The following ZMYM2 variants were observed in gnomAD, a reference collection of about 807,000 sequenced individuals.
ZMYM2 encodes zinc finger MYM-type containing 2.
In ZMYM2, 56 loss-of-function variants were observed where a neutral mutation model predicts 162.8. The ratio of observed to expected loss-of-function variants is 0.34; its 90% CI spans 0.28 to 0.43. The LOEUF (loss-of-function observed/expected upper bound fraction) is 0.43, where lower values mean the gene tolerates loss of function less well. ZMYM2 is among the 20% of genes least tolerant of loss of function. The probability of loss-of-function intolerance (pLI) is 1.00; values close to 1 mark genes in which losing one functional copy is unlikely to be tolerated. For synonymous variants in ZMYM2, 510 were observed against 541.6 expected, an observed-to-expected ratio of 0.94 and a Z score of 0.81; for missense variants, 1,275 against 1,621.8, an observed-to-expected ratio of 0.79 and a Z score of 3.67.
chr13:19,941,031 A>G, the ZMYM2 span, among the ~76,000 whole-genome samples: 1 of 152,264 alleles, frequency 6.6e-6, no homozygotes, highest in South Asian at 2.1e-4. Context: ...AAAACTTGGC[A>G]GGGTGTGGTG....
intron 19 of ZMYM2, among the ~76,000 whole-genome samples, chr13:20,064,846 T>C (rs1956552255): frequency 6.6e-6 from 1 of 151,984 alleles, no homozygotes; most frequent in Non-Finnish European, 1.5e-5. Context: ...ATCTCAGATT[T>C]AGTTGATACC....
At chr13:19,890,522 A>AAAAAAAAAAAG in the ZMYM2 span, among the ~76,000 whole-genome samples, 111 of 148,310 alleles carry the variant, frequency 7.5e-4, 1 homozygote, top group South Asian at 7.3e-3. Flanking sequence ...AAAAAAAAAA[A>AAAAAAAAAAAG]GTTGGGAAAA....
rs528927994 is a variant in ZMYM2 at position 20,007,954 on chromosome 13, C to T, written c.1512+1368C>T. On this transcript the variant is annotated intron_variant, in intron 6 of 24. Transcript: ENST00000610343. ...ATTAAGGTGTGAGTTATATAGTAGT[C>T]CTTTCTCACGCAAAGTTTTGTTTTT... 3.3e-5 allele frequency among the ~76,000 whole-genome samples: 5 copies of T among 152,076 alleles called. No homozygotes were observed. The East Asian group carries it at 9.7e-4, about 30-fold the overall frequency.
intron 12 of ZMYM2, among the ~76,000 whole-genome samples, chr13:20,049,874 C>T (rs1440342252): frequency 2.0e-5 from 3 of 151,968 alleles, no homozygotes; most frequent in African/African-American, 7.2e-5. Context: ...AAGTATTAAG[C>T]TTCCATTTCC....
chr13:19,888,912 A>T, the ZMYM2 span, among the ~76,000 whole-genome samples: 1 of 151,860 alleles, frequency 6.6e-6, no homozygotes, highest in South Asian at 2.1e-4. Flanking sequence ...ATTTATTTTG[A>T]CTTTAAATTA....
At chr13:20,016,858 T>G (rs1951675031) in intron 6 of ZMYM2, among the ~76,000 whole-genome samples, 1 of 152,260 alleles carries the variant, frequency 6.6e-6, no homozygotes, top group Non-Finnish European at 1.5e-5. Flanking sequence ...TTTATTAGAT[T>G]TGTAGATTTG....
the ZMYM2 span, among the ~76,000 whole-genome samples, chr13:19,939,127 G>T: frequency 2.0e-5 from 3 of 149,838 alleles, no homozygotes; most frequent in South Asian, 6.3e-4. Context: ...GGGTTCAAGT[G>T]ATTCTCGTGC....
At chr13:20,053,840 A>G (rs1191129603) in intron 14 of ZMYM2, among the ~76,000 whole-genome samples, 2 of 152,250 alleles carry the variant, frequency 1.3e-5, no homozygotes, top group African/African-American at 2.4e-5. Flanking sequence ...TGGAAATAAC[A>G]TTTTAAAATC....
upstream of ZMYM2, among the ~76,000 whole-genome samples, chr13:19,958,097 C>T (rs964225839): frequency 1.3e-5 from 2 of 152,230 alleles, no homozygotes; most frequent in Non-Finnish European, 2.9e-5. Context: ...GGACTATTCC[C>T]CACGGGGCGC....
At chr13:20,014,987 C>G (rs774299285) in intron 6 of ZMYM2, among the ~76,000 whole-genome samples, 20 of 152,048 alleles carry the variant, frequency 1.3e-4, no homozygotes, top group Non-Finnish European at 2.9e-4. Context: ...TCTTGAACTC[C>G]TGACCTCAGG....
chr13:20,070,278 C>T (rs561185047), intron 21 of ZMYM2: 13 of 198,038 alleles, frequency 6.6e-5, no homozygotes, highest in Non-Finnish European at 1.2e-4. Context: ...CTAGCCAGTT[C>T]GTTATCAATC....
intron 2 of ZMYM2, among the ~76,000 whole-genome samples, chr13:19,986,385 A>G (rs2146863): frequency 0.96 from 146,363 of 151,782 alleles, 70,806 homozygotes; most frequent in East Asian, 1. Flanking sequence ...AAAAAAAAGA[A>G]GGGTGATTAT....
chr13:19,882,060 C>T, the ZMYM2 span, among the ~76,000 whole-genome samples: 1 of 151,490 alleles, frequency 6.6e-6, no homozygotes, highest in Non-Finnish European at 1.5e-5. Flanking sequence ...CGATTAAGGA[C>T]TTAGATATAA....
At chr13:19,874,311 C>G in the ZMYM2 span, among the ~76,000 whole-genome samples, 2 of 152,164 alleles carry the variant, frequency 1.3e-5, no homozygotes, top group Non-Finnish European at 1.5e-5. Flanking sequence ...CCTCAAACTC[C>G]TGAACTCAAG....
At chr13:19,884,787 G>C in the ZMYM2 span, among the ~76,000 whole-genome samples, 1 of 152,024 alleles carries the variant, frequency 6.6e-6, no homozygotes, top group Admixed American at 6.6e-5. Context: ...CCCCAAGACA[G>C]AAAAACAAAA....
the ZMYM2 span, among the ~76,000 whole-genome samples, chr13:19,896,811 A>G: frequency 0.14 from 20,848 of 150,190 alleles, 1,953 homozygotes; most frequent in African/African-American, 0.25. Context: ...GTGTTGTCTC[A>G]TGCATATAAT....
chr13:20,062,844 A>G lies in ZMYM2; in HGVS notation c.2912-2A>G. 1 of 1,564,226 alleles carries G rather than the reference A, an allele frequency of 6.4e-7. No individual in the cohort carries two copies. The highest frequency in any genetic ancestry group is 8.7e-7 in the Non-Finnish European group (1 of 1,152,898). ...CCTAATGATAATATGGATTGATTTC[A>G]GGTGTAATTATTGAAACAGATATAA... On this transcript the variant is annotated splice_acceptor_variant, in intron 17 of 24. Transcript: ENST00000610343. LOFTEE classifies it high-confidence loss of function.
At chr13:19,948,794 G>A in the ZMYM2 span, among the ~76,000 whole-genome samples, 4 of 152,196 alleles carry the variant, frequency 2.6e-5, 1 homozygote, top group African/African-American at 9.6e-5. Flanking sequence ...GGGGTGTGTG[G>A]GAACTCTCTG....
the ZMYM2 span, among the ~76,000 whole-genome samples, chr13:19,891,176 T>C: frequency 2.0e-5 from 3 of 152,000 alleles, no homozygotes; most frequent in South Asian, 2.1e-4. Flanking sequence ...TTCACTCTAA[T>C]AGGACTAGAC....
Sources: gnomAD v4.1 joint callset for allele counts (sites outside exome capture counted in the v4.1 genomes callset) on GRCh38, gnomAD v4.1.1 for gene constraint, MANE v1.5 for transcripts, NCBI Gene and HGNC (gene_info 2026-07-23, HGNC 2026-07-21) for gene names.